The following CNTN1 variants were observed in gnomAD, a reference collection of about 807,000 sequenced individuals.
CNTN1 encodes contactin 1, also known as contactin-1.
In CNTN1, 38 loss-of-function variants were observed where a neutral mutation model predicts 126.4. The observed-to-expected ratio is 0.30, with a 90% CI of 0.23 to 0.39. The LOEUF is 0.39. CNTN1 is among the 10% of genes least tolerant of loss of function. The pLI is 1.00. For synonymous variants in CNTN1, 413 were observed against 422.6 expected (o/e 0.98, Z 0.28); for missense variants, 1,009 against 1,248.4 (o/e 0.81, Z 2.89).
intron 1 of CNTN1, among the ~76,000 whole-genome samples, chr12:40,794,154 T>C (rs923988676): frequency 2.6e-5 from 4 of 152,104 alleles, no homozygotes; most frequent in Non-Finnish European, 5.9e-5. Context: ...AATAGGATCA[T>C]TGAGCAGCAC....
chr12:40,992,854 G>T (rs999030270), intron 16 of CNTN1, among the ~76,000 whole-genome samples: 1 of 152,170 alleles, frequency 6.6e-6, no homozygotes, highest in African/African-American at 2.4e-5. Context: ...CTGGAGGCTT[G>T]TTAGACATGC....
intron 1 of CNTN1, among the ~76,000 whole-genome samples, chr12:40,833,211 C>T (rs1260965986): frequency 2.6e-5 from 4 of 152,164 alleles, no homozygotes; most frequent in Non-Finnish European, 4.4e-5. Context: ...TCTTCTGCCT[C>T]GGCCTCCCGA....
intron 1 of CNTN1, among the ~76,000 whole-genome samples, chr12:40,881,931 T>C (rs1211349795): frequency 2.0e-5 from 3 of 151,866 alleles, no homozygotes; most frequent in Non-Finnish European, 3.0e-5. Context: ...GATTTGTTTT[T>C]GTATATGTTT....
chr12:40,731,894 A>G (rs1942509122), intron 1 of CNTN1, among the ~76,000 whole-genome samples: 1 of 151,976 alleles, frequency 6.6e-6, no homozygotes, highest in South Asian at 2.1e-4. Context: ...GTCTAATTAG[A>G]TTCTAATACA....
intron 14 of CNTN1, among the ~76,000 whole-genome samples, chr12:40,946,143 A>G (rs1592298980): frequency 1.3e-5 from 2 of 152,172 alleles, no homozygotes; most frequent in East Asian, 3.8e-4. Flanking sequence ...ACACAAGACT[A>G]ATGAAGCTAT....
intron 17 of CNTN1, among the ~76,000 whole-genome samples, chr12:41,013,707 G>A (rs576236268): frequency 1.3e-5 from 2 of 152,192 alleles, no homozygotes; most frequent in Non-Finnish European, 1.5e-5. Context: ...AAGAGAACGG[G>A]GGAGAGAGTA....
intron 4 of CNTN1, among the ~76,000 whole-genome samples, chr12:40,921,014 A>G (rs1055918122): frequency 6.6e-6 from 1 of 152,226 alleles, no homozygotes; most frequent in African/African-American, 2.4e-5. Context: ...CACTGTCTTG[A>G]CAAGAGCTAA....
At chr12:40,965,540 C>T (rs1158358224) in intron 15 of CNTN1, among the ~76,000 whole-genome samples, 1 of 152,046 alleles carries the variant, frequency 6.6e-6, no homozygotes, top group Non-Finnish European at 1.5e-5. Flanking sequence ...CTGGCATATG[C>T]TAATACAAAA....
intron 14 of CNTN1, among the ~76,000 whole-genome samples, chr12:40,957,163 G>A (rs1400777876): frequency 1.3e-5 from 2 of 150,926 alleles, no homozygotes; most frequent in East Asian, 3.9e-4. Context: ...AAGAAATGAA[G>A]AAATGGAAAA....
At chr12:41,006,833 C>A (rs1024492126) in intron 17 of CNTN1, among the ~76,000 whole-genome samples, 5 of 152,062 alleles carry the variant, frequency 3.3e-5, no homozygotes, top group Non-Finnish European at 7.4e-5. Flanking sequence ...GAAACATGGA[C>A]TTCATCCAGA....
intron 14 of CNTN1, among the ~76,000 whole-genome samples, chr12:40,945,721 T>TA (rs1946413124): frequency 6.6e-6 from 1 of 150,494 alleles, no homozygotes; most frequent in Admixed American, 6.6e-5. Context: ...CCAGTCCCCT[T>TA]TAAAAAAAAA....
chr12:41,056,968 TATAA>T (rs1408829757), intron 23 of CNTN1, among the ~76,000 whole-genome samples: 65 of 93,912 alleles, frequency 6.9e-4, no homozygotes, highest in South Asian at 1.6e-3. Flanking sequence ...TTATAAATAT[TATAA>T]ATATTTAGAT....
chr12:40,766,607 T>A (rs559885565), intron 1 of CNTN1, among the ~76,000 whole-genome samples: 2 of 152,230 alleles, frequency 1.3e-5, no homozygotes, highest in South Asian at 4.2e-4. Flanking sequence ...ATTCTCTTGA[T>A]CAACTTATCT....
At chr12:41,035,967 A>G (rs1949250721) in intron 23 of CNTN1, among the ~76,000 whole-genome samples, 1 of 152,144 alleles carries the variant, frequency 6.6e-6, no homozygotes, top group East Asian at 1.9e-4. Context: ...GACATGATCT[A>G]ATTTAAGATC....
At chr12:41,035,358 GATAAA>G (rs1370032303) in intron 23 of CNTN1, among the ~76,000 whole-genome samples, 1 of 151,958 alleles carries the variant, frequency 6.6e-6, no homozygotes, top group African/African-American at 2.4e-5. Flanking sequence ...TTTTTTCTAC[GATAAA>G]ATAAAACTTA....
At chr12:40,693,807 C>T (rs911589892) in intron 1 of CNTN1, among the ~76,000 whole-genome samples, 1 of 152,140 alleles carries the variant, frequency 6.6e-6, no homozygotes, top group African/African-American at 2.4e-5. Context: ...TCCAATTCTC[C>T]ATTGGGGGAA....
At chr12:40,749,112 A>G (rs1470667847) in intron 1 of CNTN1, among the ~76,000 whole-genome samples, 1 of 152,126 alleles carries the variant, frequency 6.6e-6, no homozygotes, top group African/African-American at 2.4e-5. Context: ...TCTGAAAAGC[A>G]CCAATACTTT....
At chr12:40,875,958 T>C (rs1943653839) in intron 1 of CNTN1, among the ~76,000 whole-genome samples, 1 of 152,082 alleles carries the variant, frequency 6.6e-6, no homozygotes, top group African/African-American at 2.4e-5. Context: ...GGCCAACACC[T>C]CTCTCTTTGA....
At position 40,922,256 on chromosome 12, in the gene CNTN1, A is replaced by G. The variant is rs759471305; in HGVS notation, c.228A>G (p.Lys76=). 2.5e-6 allele frequency: 4 copies of G among 1,613,724 alleles called. No homozygotes were observed. The highest frequency in any genetic ancestry group is 1.7e-5 in the Admixed American group (1 of 59,998). Residue 76 remains lysine (K), a splice_region_variant and synonymous_variant, in exon 5 of 24, where the codon AAA becomes AAG. Coordinates refer to ENST00000551295, the MANE Select transcript of CNTN1 (RefSeq NM_001843.4). ...TGACCTTTGTGTCTTTTTCTCATAG[A>G]TGGAGAATGAATAATGGGGACGTTG... is the stretch of plus-strand genomic sequence containing the variant. ...RARASPFPVY[K]WRMNNGDVDL... is the part of the protein sequence containing the mutation.
Sources: gnomAD v4.1 joint callset for allele counts (sites outside exome capture counted in the v4.1 genomes callset) on GRCh38, gnomAD v4.1.1 for gene constraint, MANE v1.5 for transcripts, NCBI Gene and HGNC (gene_info 2026-07-23, HGNC 2026-07-21) for gene names.